The following CSF2RA variants were observed in gnomAD, a reference collection of about 807,000 sequenced individuals.
CSF2RA encodes granulocyte-macrophage colony-stimulating factor receptor subunit alpha.
CSF2RA carries 42 observed loss-of-function variants against 51.6 expected under a neutral mutation model. The observed-to-expected ratio is 0.81, with a 90% CI of 0.64 to 1.05. The LOEUF (loss-of-function observed/expected upper bound fraction) is 1.05, where lower values mean the gene tolerates loss of function less well. Among genes scored for constraint, CSF2RA ranks in the 50% least tolerant of loss-of-function variants. CSF2RA has a pLI of 0.00. For synonymous variants in CSF2RA, 222 were observed against 193.0 expected (o/e 1.15, Z -1.24); for missense variants, 530 against 501.1 (o/e 1.06, Z -0.55).
chrX:1,316,686 C>T, the CSF2RA span, among the ~76,000 whole-genome samples: 10 of 152,348 alleles, frequency 6.6e-5, no homozygotes, highest in East Asian at 1.9e-4. Flanking sequence ...GGCTCCCCAA[C>T]GCCTGGGTTC....
intron 2 of CSF2RA, among the ~76,000 whole-genome samples, chrX:1,280,862 C>CCTT (rs1193009928): frequency 1.5e-5 from 2 of 130,490 alleles, no homozygotes; most frequent in East Asian, 5.2e-4. Context: ...TTCTCCTCCT[C>CCTT]CTCCTCCTCC....
chrX:1,316,031 G>GATGC, the CSF2RA span, among the ~76,000 whole-genome samples: 1 of 114,802 alleles, frequency 8.7e-6, no homozygotes, highest in Admixed American at 8.9e-5. Context: ...TAGATACATA[G>GATGC]ATAGACCAAT....
chrX:1,305,702 T>C, intron 12 of CSF2RA, 175 bp downstream of exon 12: 2 of 1,558,364 alleles, frequency 1.3e-6, no homozygotes, highest in South Asian at 1.2e-5. Flanking sequence ...GGTCGGGGTC[T>C]TCTCCAAGGT....
At position 1,285,933 on chromosome X, in the gene CSF2RA, T is replaced by G; in HGVS notation, c.219+13T>G. 6.2e-7 allele frequency: 1 copy of G among 1,613,716 alleles called. No individual in the cohort carries two copies. Among genetic ancestry groups the G allele is most frequent in the Non-Finnish European group, 8.5e-7 (1 of 1,179,824 alleles). ...CGTGGAACCCAGGGTGAGACGAATT[T>G]CCCATTCTCAACCCCTGTCCTTTAC... On this transcript the variant is annotated intron_variant, in intron 4 of 12. Transcript: ENST00000381529.
At chrX:1,318,778 A>G in the CSF2RA span, among the ~76,000 whole-genome samples, 2 of 150,534 alleles carry the variant, frequency 1.3e-5, no homozygotes, top group African/African-American at 2.4e-5. Context: ...TGAGCCTGGC[A>G]TGGTGGCGGG....
chrX:1,306,738 CAGAG>C (rs1217275298), intron 12 of CSF2RA, among the ~76,000 whole-genome samples: 2 of 149,072 alleles, frequency 1.3e-5, no homozygotes, highest in Non-Finnish European at 3.0e-5. Flanking sequence ...GAGACAAAGA[CAGAG>C]AGACACAGAG....
intron 3 of CSF2RA, among the ~76,000 whole-genome samples, chrX:1,285,422 G>A (rs1232183416): frequency 1.3e-4 from 19 of 151,928 alleles, no homozygotes; most frequent in Non-Finnish European, 2.2e-4. Context: ...GGCCGGGCAC[G>A]GTGGCTCACG....
intron 2 of CSF2RA, among the ~76,000 whole-genome samples, chrX:1,280,703 C>A (rs371135269): frequency 2.0e-5 from 3 of 149,384 alleles, no homozygotes; most frequent in South Asian, 4.3e-4. Flanking sequence ...CTTTCTTCTT[C>A]TTCTCTTTCC....
rs112441738 is a variant in CSF2RA, at chrX:1,290,403, G to A, written c.540G>A (p.Leu180=). 2.1e-4 allele frequency: 337 copies of A among 1,613,620 alleles called. No homozygotes were observed. In the African/African-American group the frequency reaches 4.0e-3, roughly 19 times the overall value. The part of the protein sequence containing the change: ...QDSGTHVGCH[L]DNLSGLTSRN... ...CAGGAACCCATGTGGGATGTCACCTGGATAACCTGTCAGGATTAACGTCTC... is the reference window on the plus strand; with the variant it reads ...CAGGAACCCATGTGGGATGTCACCTAGATAACCTGTCAGGATTAACGTCTC... The change falls in exon 7 of 13, where the codon CTG becomes CTA. Residue 180 remains leucine, a synonymous_variant. Transcript: ENST00000381529.
chrX:1,274,712 C>G (rs1266355693), intron 1 of CSF2RA, 43 bp from the exon 2 acceptor site: 19 of 452,206 alleles, frequency 4.2e-5, no homozygotes, highest in Admixed American at 1.4e-4. Flanking sequence ...CCACTATAAC[C>G]TTTCATGATT....
the CSF2RA span, among the ~76,000 whole-genome samples, chrX:1,315,651 C>T: frequency 1.3e-3 from 193 of 152,152 alleles, no homozygotes; most frequent in Non-Finnish European, 2.0e-3. Context: ...GTGATCTGCC[C>T]GCCTCAGCCT....
At chrX:1,324,089 GT>G in the CSF2RA span, among the ~76,000 whole-genome samples, 2 of 152,014 alleles carry the variant, frequency 1.3e-5, no homozygotes, top group Non-Finnish European at 2.9e-5. Flanking sequence ...GGAGGCTGAG[GT>G]GGGAGGATCA....
At chrX:1,314,298 C>CTG (rs2084338304), downstream of CSF2RA, among the ~76,000 whole-genome samples, 2 of 105,520 alleles carry the variant, frequency 1.9e-5, no homozygotes, top group Non-Finnish European at 4.3e-5. Flanking sequence ...ATCTGCCCAA[C>CTG]CACTCTGTGC....
chrX:1,318,549 C>T, the CSF2RA span, among the ~76,000 whole-genome samples: 62 of 152,168 alleles, frequency 4.1e-4, no homozygotes, highest in African/African-American at 1.5e-3. Flanking sequence ...CCCACTCCCC[C>T]TGAGCCGCCG....
intron 2 of CSF2RA, chrX:1,282,031 T>TG: frequency 1.6e-5 from 1 of 61,134 alleles, no homozygotes; most frequent in East Asian, 9.1e-4. Context: ...CTGTTTCTAC[T>TG]AAAAAAAAAA....
the CSF2RA span, among the ~76,000 whole-genome samples, chrX:1,320,271 A>G: frequency 6.6e-6 from 1 of 151,636 alleles, no homozygotes; most frequent in Admixed American, 6.6e-5. Flanking sequence ...CAGGTGATCC[A>G]CCCGCCTCGG....
intron 9 of CSF2RA, 46 bp downstream of exon 9, chrX:1,295,502 ACGG>A: frequency 6.4e-7 from 1 of 1,563,082 alleles, no homozygotes; most frequent in Non-Finnish European, 8.7e-7. Context: ...GCGTAACCCT[ACGG>A]TCCCCTACTC....
At chrX:1,299,095 C>T (rs1242002762) in intron 9 of CSF2RA, among the ~76,000 whole-genome samples, 1 of 152,158 alleles carries the variant, frequency 6.6e-6, no homozygotes, top group African/African-American at 2.4e-5. Flanking sequence ...TCTCACTGGG[C>T]AGGGTCTGCT....
chrX:1,305,736 G>A (rs765687494), intron 12 of CSF2RA: 2 of 1,552,342 alleles, frequency 1.3e-6, no homozygotes, highest in Non-Finnish European at 8.7e-7. Flanking sequence ...ATCTCTGTGA[G>A]CTCCATCAGG....
Sources: allele counts gnomAD v4.1 joint callset (sites outside exome capture counted in the v4.1 genomes callset), GRCh38; gene constraint gnomAD v4.1.1; transcripts MANE v1.5; gene names NCBI Gene and HGNC (gene_info 2026-07-23, HGNC 2026-07-21).